The following MYO16 variants were observed in gnomAD, a reference collection of about 807,000 sequenced individuals.
MYO16 encodes the protein myosin XVI.
MYO16 carries 94 observed loss-of-function variants against 205.3 expected under a neutral mutation model. That is an observed-to-expected ratio of 0.46 (90% CI 0.39 to 0.54). MYO16 has a LOEUF of 0.54. Among genes scored for constraint, MYO16 ranks in the 20% least tolerant of loss-of-function variants. The pLI is 0.00. For missense variants in MYO16, 2,315 were observed against 2,387.5 expected (o/e 0.97, Z 0.63); for synonymous variants, 988 against 954.0 (o/e 1.04, Z -0.66).
At chr13:108,956,447 C>G (rs189803439) in intron 16 of MYO16, among the ~76,000 whole-genome samples, 19 of 152,232 alleles carry the variant, frequency 1.2e-4, no homozygotes, top group African/African-American at 4.3e-4. Context: ...CTTTCCAAGG[C>G]GCCAACATGA....
At chr13:108,566,713 AGGAGGAAGGAAGGAAGGAAG>A in the MYO16 span, among the ~76,000 whole-genome samples, 1 of 143,052 alleles carries the variant, frequency 7.0e-6, no homozygotes, top group Non-Finnish European at 1.5e-5. Context: ...GAGAAAGGAA[AGGAGGAAGGAAGGAAGGAAG>A]GGAGGAAGGA....
chr13:108,628,256 G>T (rs943800490), upstream of MYO16, among the ~76,000 whole-genome samples: 2 of 152,124 alleles, frequency 1.3e-5, no homozygotes, highest in Non-Finnish European at 2.9e-5. Flanking sequence ...TGGAATCAAC[G>T]AATAAATGAG....
intron 9 of MYO16, among the ~76,000 whole-genome samples, chr13:108,841,360 A>G (rs548455338): frequency 6.6e-6 from 1 of 152,352 alleles, no homozygotes; most frequent in African/African-American, 2.4e-5. Context: ...GGACATCCAT[A>G]TGAGAAAATA....
intron 6 of MYO16, among the ~76,000 whole-genome samples, chr13:108,803,242 G>C (rs1887018468): frequency 6.6e-6 from 1 of 152,160 alleles, no homozygotes; most frequent in African/African-American, 2.4e-5. Flanking sequence ...CTTAAACCCT[G>C]TCCAGAGCAA....
chr13:109,076,622 A>AGAGG (rs1422035326), intron 27 of MYO16, among the ~76,000 whole-genome samples: 4 of 152,282 alleles, frequency 2.6e-5, no homozygotes, highest in Admixed American at 2.0e-4. Flanking sequence ...ATCCCATAGC[A>AGAGG]GAGGGCCCAG....
the MYO16 span, among the ~76,000 whole-genome samples, chr13:108,557,926 T>C: frequency 2.0e-5 from 3 of 152,152 alleles, no homozygotes; most frequent in Non-Finnish European, 4.4e-5. Flanking sequence ...AGATAGGTGA[T>C]AGATACACAC....
intron 1 of MYO16, among the ~76,000 whole-genome samples, chr13:108,636,392 T>TGA (rs1880251652): frequency 6.8e-6 from 1 of 146,288 alleles, no homozygotes; most frequent in Non-Finnish European, 1.5e-5. Context: ...TGTGTGTGTG[T>TGA]GTGTGTGTGT....
chr13:108,669,595 A>G (rs527255287), intron 2 of MYO16, among the ~76,000 whole-genome samples: 1 of 152,306 alleles, frequency 6.6e-6, no homozygotes, highest in African/African-American at 2.4e-5. Context: ...TTTGTAGGCC[A>G]CATAAATGTC....
intron 23 of MYO16, among the ~76,000 whole-genome samples, chr13:109,032,047 G>A (rs1431684944): frequency 1.3e-5 from 2 of 152,106 alleles, no homozygotes; most frequent in South Asian, 2.1e-4. Flanking sequence ...TGCTTCACGT[G>A]TGCAAAGCTA....
intron 1 of MYO16, among the ~76,000 whole-genome samples, chr13:108,608,360 C>T (rs552098654): frequency 1.7e-4 from 26 of 152,256 alleles, no homozygotes; most frequent in Non-Finnish European, 2.4e-4. Context: ...GTGACCCATG[C>T]TGCACGCTCT....
At chr13:108,933,845 T>C (rs138540719) in intron 16 of MYO16, among the ~76,000 whole-genome samples, 26 of 152,264 alleles carry the variant, frequency 1.7e-4, no homozygotes, top group African/African-American at 6.3e-4. Context: ...AGTAACAATG[T>C]GTGATATTTG....
At chr13:108,867,464 TC>T (rs553233605) in intron 12 of MYO16, among the ~76,000 whole-genome samples, 51 of 152,218 alleles carry the variant, frequency 3.4e-4, no homozygotes, top group African/African-American at 1.1e-3. Context: ...TTCCTCCCAA[TC>T]CTATGCCAAC....
In MYO16 at chr13:108,963,703, A is replaced by C. The variant is rs201009890; in HGVS notation, c.2228-1058A>C. 4.6e-5 allele frequency among the ~76,000 whole-genome samples: 7 copies of C among 152,334 alleles called. No individual in the cohort carries two copies. The East Asian group carries it at 1.3e-3, about 29-fold the overall frequency. On this transcript the variant is annotated intron_variant, in intron 19 of 34. Transcript: ENST00000457511. ...CCCACTGGCACCCTTGCCTCCAGCC[A>C]CACTAAGCATCTTGAAGACATTGTT... is the stretch of plus-strand genomic sequence containing the variant.
At chr13:108,595,446 A>G (rs1478593973), upstream of MYO16, among the ~76,000 whole-genome samples, 2 of 152,212 alleles carry the variant, frequency 1.3e-5, no homozygotes, top group African/African-American at 4.8e-5. Flanking sequence ...AAAAGTTCAA[A>G]AACAATTTTG....
intron 1 of MYO16, among the ~76,000 whole-genome samples, chr13:108,607,370 G>A (rs1348264724): frequency 1.3e-5 from 2 of 152,000 alleles, no homozygotes; most frequent in African/African-American, 4.8e-5. Flanking sequence ...GTTGGGGGAG[G>A]GACCATGTGG....
chr13:109,203,729 A>G (rs1395738528), intron 34 of MYO16, among the ~76,000 whole-genome samples: 1 of 152,206 alleles, frequency 6.6e-6, no homozygotes. Flanking sequence ...TTTTAAGATG[A>G]GACTGGTCAC....
intron 1 of MYO16, among the ~76,000 whole-genome samples, chr13:108,612,052 G>A (rs1879196314): frequency 7.2e-6 from 1 of 138,780 alleles, no homozygotes; most frequent in African/African-American, 2.7e-5. Flanking sequence ...TGATAAAGTA[G>A]ACTCTTTACT....
chr13:109,034,729 A>G (rs1486464452), intron 23 of MYO16, among the ~76,000 whole-genome samples: 2 of 152,316 alleles, frequency 1.3e-5, no homozygotes, highest in East Asian at 3.9e-4. Flanking sequence ...CAATCCAAGG[A>G]TGATATTTTA....
At chr13:108,756,101 A>G (rs1318375748) in intron 4 of MYO16, among the ~76,000 whole-genome samples, 1 of 152,056 alleles carries the variant, frequency 6.6e-6, no homozygotes, top group Non-Finnish European at 1.5e-5. Context: ...TTTACACATG[A>G]AAATAAAAGG....
Sources: gnomAD v4.1 joint callset for allele counts (sites outside exome capture counted in the v4.1 genomes callset) on GRCh38, gnomAD v4.1.1 for gene constraint, MANE v1.5 for transcripts, NCBI Gene and HGNC (gene_info 2026-07-23, HGNC 2026-07-21) for gene names.